NELL1: variants seen among roughly 807,000 people sequenced by gnomAD.
The protein encoded by NELL1 is protein kinase C-binding protein NELL1.
Under a neutral mutation model 107.4 loss-of-function variants are expected in NELL1, and 76 were observed. The observed-to-expected ratio is 0.71, with a 90% CI of 0.59 to 0.86. The LOEUF is 0.86. Ranked by LOEUF, NELL1 falls within the 40% of genes least tolerant of loss-of-function variation. The pLI is 0.00. For synonymous variants in NELL1, 353 were observed against 341.2 expected (o/e 1.03, Z -0.38); for missense variants, 1,024 against 1,005.5 (o/e 1.02, Z -0.25).
At chr11:20,697,469 G>T (rs913751897) in intron 2 of NELL1, among the ~76,000 whole-genome samples, 1 of 149,996 alleles carries the variant, frequency 6.7e-6, no homozygotes, top group Non-Finnish European at 1.5e-5. Flanking sequence ...TCTAAAGGAA[G>T]AATAGATAGT....
At chr11:20,851,438 T>G (rs1354434351) in intron 4 of NELL1, among the ~76,000 whole-genome samples, 1 of 152,082 alleles carries the variant, frequency 6.6e-6, no homozygotes, top group African/African-American at 2.4e-5. Context: ...GTGGGGAGAC[T>G]GATTATCTCC....
rs1315338792 is a variant in NELL1 at position 21,257,499 on chromosome 11, A to G, written c.1549+28045A>G. ...TGGAGAGCCTCATCTATGTTGTATG[A>G]AGTTTGGTGATACAATAAACTGGAA... On this transcript the variant is annotated intron_variant, in intron 14 of 19. Transcript: ENST00000357134. 2.0e-5 allele frequency among the ~76,000 whole-genome samples: 3 copies of G among 151,888 alleles called. No homozygotes were observed. The East Asian group carries it at 5.8e-4, about 30-fold the overall frequency.
At chr11:21,548,077 A>G (rs1200037550) in intron 16 of NELL1, among the ~76,000 whole-genome samples, 1 of 151,950 alleles carries the variant, frequency 6.6e-6, no homozygotes, top group Admixed American at 6.6e-5. Flanking sequence ...CTATTCATTT[A>G]GCTTCTCTTT....
chr11:20,828,629 C>T (rs1375610120), intron 3 of NELL1, among the ~76,000 whole-genome samples: 2 of 152,196 alleles, frequency 1.3e-5, no homozygotes, highest in Non-Finnish European at 2.9e-5. Flanking sequence ...ATTCTGACTT[C>T]TGCCTGCCTT....
At chr11:21,571,919 G>T (rs532235830) in intron 18 of NELL1, among the ~76,000 whole-genome samples, 2 of 151,972 alleles carry the variant, frequency 1.3e-5, no homozygotes, top group African/African-American at 4.8e-5. Flanking sequence ...CATTTTATGG[G>T]TACTGTATGA....
chr11:21,275,338 A>G (rs892621943), intron 14 of NELL1, among the ~76,000 whole-genome samples: 1 of 152,208 alleles, frequency 6.6e-6, no homozygotes, highest in African/African-American at 2.4e-5. Flanking sequence ...CACCCTCCTG[A>G]GACTAAACCA....
At chr11:20,851,205 A>AT (rs1848789408) in intron 4 of NELL1, among the ~76,000 whole-genome samples, 1 of 152,170 alleles carries the variant, frequency 6.6e-6, no homozygotes, top group South Asian at 2.1e-4. Context: ...TTCGCACATT[A>AT]TTTTTTTAGG....
chr11:20,669,825 C>A lies in NELL1; in HGVS notation c.55+47C>A, dbSNP rs770988272. 1 of 1,530,988 alleles carries A rather than the reference C, an allele frequency of 6.5e-7. No individual in the cohort carries two copies. The highest frequency in any genetic ancestry group is 1.1e-5 in the South Asian group (1 of 89,190). 94.8% of individuals were successfully genotyped at this position (1,530,988 alleles called of 1,614,324 possible). ...AGAGGGATCCGGGAAATGGGGGTGC[C>A]CACAGACCACGGCGGCGTGGGGAGA... On this transcript the variant is annotated intron_variant, in intron 1 of 19. Transcript: ENST00000357134. This position sits in a 1 kb window ranked among gnomAD's most constrained non-coding sequence, Gnocchi z 4.4.
intron 11 of NELL1, among the ~76,000 whole-genome samples, chr11:20,950,710 G>A (rs1358025607): frequency 1.3e-5 from 2 of 152,238 alleles, no homozygotes; most frequent in African/African-American, 2.4e-5. Flanking sequence ...AAAGGCAGCA[G>A]CATCGTTTGC....
intron 2 of NELL1, among the ~76,000 whole-genome samples, chr11:20,693,478 C>T (rs909023737): frequency 6.6e-6 from 1 of 151,690 alleles, no homozygotes; most frequent in Non-Finnish European, 1.5e-5. Context: ...TTAGGGCAGG[C>T]CTGGGTTGAC....
chr11:21,521,385 G>T (rs1314163401), intron 15 of NELL1, among the ~76,000 whole-genome samples: 1 of 152,070 alleles, frequency 6.6e-6, no homozygotes, highest in East Asian at 1.9e-4. Context: ...TTTGAATTTT[G>T]GGGGGATTGT....
At chr11:21,378,661 T>C (rs1851537939) in intron 15 of NELL1, among the ~76,000 whole-genome samples, 1 of 151,916 alleles carries the variant, frequency 6.6e-6, no homozygotes, top group South Asian at 2.1e-4. Context: ...TTTAAATGTA[T>C]GTAATAATGA....
intron 14 of NELL1, among the ~76,000 whole-genome samples, chr11:21,236,811 A>G (rs1858219235): frequency 6.6e-6 from 1 of 152,184 alleles, no homozygotes; most frequent in South Asian, 2.1e-4. Context: ...CGGTCAAGAC[A>G]ACATGGGGGA....
chr11:20,862,725 C>T (rs888728096), intron 4 of NELL1, among the ~76,000 whole-genome samples: 1 of 149,752 alleles, frequency 6.7e-6, no homozygotes, highest in East Asian at 2.0e-4. Flanking sequence ...ACAAAGGTCT[C>T]TGGCTTTCCT....
chr11:21,089,689 G>A (rs1854478095), intron 12 of NELL1, among the ~76,000 whole-genome samples: 1 of 152,198 alleles, frequency 6.6e-6, no homozygotes, highest in Admixed American at 6.5e-5. Context: ...ATTAAAAGAG[G>A]AAAGATTGAG....
At chr11:21,014,815 T>C (rs71488772) in intron 12 of NELL1, among the ~76,000 whole-genome samples, 6,603 of 152,248 alleles carry the variant, frequency 0.043, 192 homozygotes, top group Middle Eastern at 0.13. Context: ...TCAACATATA[T>C]GATGAAATTA....
At chr11:20,975,974 T>TAC (rs1851619564) in intron 12 of NELL1, among the ~76,000 whole-genome samples, 2 of 142,778 alleles carry the variant, frequency 1.4e-5, no homozygotes, top group African/African-American at 5.1e-5. Flanking sequence ...ACATTATATA[T>TAC]ATTATATCTG....
chr11:20,684,092 T>C (rs1420824968), intron 2 of NELL1, among the ~76,000 whole-genome samples: 1 of 151,012 alleles, frequency 6.6e-6, no homozygotes, highest in East Asian at 1.9e-4. Flanking sequence ...CCATAACTAA[T>C]TGATATTATA....
chr11:21,545,157 T>C (rs1162058721), intron 16 of NELL1, among the ~76,000 whole-genome samples: 1 of 152,068 alleles, frequency 6.6e-6, no homozygotes, highest in African/African-American at 2.4e-5. Flanking sequence ...CAAACATATT[T>C]CTTTTTTACA....
Sources: allele counts gnomAD v4.1 joint callset (sites outside exome capture counted in the v4.1 genomes callset), GRCh38; gene constraint gnomAD v4.1.1; non-coding constraint Gnocchi (gnomAD v3.1); transcripts MANE v1.5; gene names NCBI Gene and HGNC (gene_info 2026-07-23, HGNC 2026-07-21).